PPIG: variants seen among roughly 807,000 people sequenced by gnomAD.
PPIG encodes the protein peptidylprolyl isomerase G.
Under a neutral mutation model 87.9 loss-of-function variants are expected in PPIG, and 26 were observed. That is an observed-to-expected ratio of 0.30 (90% CI 0.22 to 0.41). PPIG has a LOEUF of 0.41. Ranked by LOEUF, PPIG falls within the 10% of genes least tolerant of loss-of-function variation. PPIG has a pLI of 1.00. For synonymous variants in PPIG, 308 were observed against 276.5 expected (o/e 1.11, Z -1.13); for missense variants, 722 against 879.4 (o/e 0.82, Z 2.26).
chr2:169,628,197 A>C (rs1240277321), intron 9 of PPIG, among the ~76,000 whole-genome samples: 1 of 152,192 alleles, frequency 6.6e-6, no homozygotes, highest in African/African-American at 2.4e-5. Flanking sequence ...TGGCTGGTAC[A>C]TCAACAGCAT....
At chr2:169,633,137 A>G in intron 11 of PPIG, 23 bp from the exon 12 acceptor site, 2 of 1,545,776 alleles carry the variant, frequency 1.3e-6, no homozygotes, top group South Asian at 1.1e-5. Context: ...AAATGTGTTA[A>G]CTTTCTGTTT....
chr2:169,603,864 AAG>A (rs1373682595), intron 2 of PPIG, among the ~76,000 whole-genome samples, 160 bp from the exon 3 acceptor site: 1 of 152,190 alleles, frequency 6.6e-6, no homozygotes, highest in African/African-American at 2.4e-5. Context: ...AATCTCTAAA[AAG>A]AAAGCACTAA....
Position 169,639,668 on chromosome 2 carries a change from G to A in PPIG, c.*2145G>A, listed in dbSNP as rs1686268923. Reference sequence around the variant, plus strand: ...CTCTCTTTACAGAACAGATGTGAAGGAGTTGAGAGGACAATCAACTAGATT... The same window carrying A: ...CTCTCTTTACAGAACAGATGTGAAGAAGTTGAGAGGACAATCAACTAGATT... On this transcript the variant is annotated 3_prime_UTR_variant, in exon 14 of 14. Coordinates refer to ENST00000260970, the MANE Select transcript of PPIG (RefSeq NM_004792.3). The A allele has an allele frequency of 6.6e-6, 1 of 152,076 alleles. No individual in the cohort carries two copies. Among genetic ancestry groups the A allele is most frequent in the African/African-American group, 2.4e-5 (1 of 41,448 alleles). 9.4% of individuals were successfully genotyped at this position (152,076 alleles called of 1,614,324 possible).
chr2:169,621,271 G>GTT (rs1685740555), intron 9 of PPIG, among the ~76,000 whole-genome samples: 1 of 151,776 alleles, frequency 6.6e-6, no homozygotes, highest in Non-Finnish European at 1.5e-5. Context: ...TGGGCATGGA[G>GTT]AAGGCAAAAT....
intron 9 of PPIG, among the ~76,000 whole-genome samples, chr2:169,615,796 C>T (rs1348311306): frequency 6.6e-6 from 1 of 152,106 alleles, no homozygotes; most frequent in Non-Finnish European, 1.5e-5. Flanking sequence ...GATCTCATTT[C>T]CTTTGGATAT....
chr2:169,599,354 A>C (rs16857059), intron 1 of PPIG, among the ~76,000 whole-genome samples: 5,187 of 152,240 alleles, frequency 0.034, 286 homozygotes, highest in African/African-American at 0.12. Flanking sequence ...GTGGCATTTA[A>C]CACATTTTTT....
intron 9 of PPIG, among the ~76,000 whole-genome samples, chr2:169,627,705 T>C (rs954610880): frequency 4.2e-5 from 2 of 47,610 alleles, no homozygotes; most frequent in South Asian, 1.7e-3. Flanking sequence ...GTGGGCTTGC[T>C]TTTTTTTTTT....
chr2:169,631,522 A>T lies in PPIG; in HGVS notation c.762-244A>T, dbSNP rs1053977506. 6.7e-6 allele frequency: 8 copies of T among 1,187,686 alleles called. No homozygotes were observed. The African/African-American group carries it at 9.7e-5, about 14-fold the overall frequency. 73.6% of individuals were successfully genotyped at this position (1,187,686 alleles called of 1,614,324 possible). A position where few individuals can be genotyped will look rare whatever the true frequency, so the allele number is the denominator to read the frequency against. ...TTGCTCACATAGTTTCATATTTTTT[A>T]TCCATTTTGTAGGAAAATATTTTTT... On this transcript the variant is annotated intron_variant, in intron 10 of 13. Coordinates refer to ENST00000260970, the MANE Select transcript of PPIG (RefSeq NM_004792.3).
chr2:169,592,109 T>A (rs201512809), intron 1 of PPIG, among the ~76,000 whole-genome samples: 3 of 145,554 alleles, frequency 2.1e-5, no homozygotes, highest in African/African-American at 5.0e-5. Context: ...ATTTTTTTTT[T>A]AATAGAGATG....
At chr2:169,611,781 C>T (rs1685495748) in intron 7 of PPIG, among the ~76,000 whole-genome samples, 1 of 151,982 alleles carries the variant, frequency 6.6e-6, no homozygotes, top group Non-Finnish European at 1.5e-5. Context: ...CAGAATCTTC[C>T]CTCTAAATGT....
At chr2:169,607,782 T>C (rs1685374449) in intron 6 of PPIG, among the ~76,000 whole-genome samples, 1 of 152,232 alleles carries the variant, frequency 6.6e-6, no homozygotes, top group African/African-American at 2.4e-5. Flanking sequence ...GTTAAGTTAA[T>C]GAGTCCAGAC....
rs141408714 is a variant in PPIG at position 169,623,453 on chromosome 2, G to A, written c.548-7321G>A. Among the ~76,000 whole-genome samples the A allele has an allele frequency of 2.1e-4, 32 of 152,334 alleles. No individual in the cohort carries two copies. The East Asian group carries it at 2.1e-3, about 10-fold the overall frequency. Reference sequence around the variant, plus strand: ...CGTACCAATAATGAAACTAAGAGATGAGAGGATTGCTATGTTACATAGTAC... The same window carrying A: ...CGTACCAATAATGAAACTAAGAGATAAGAGGATTGCTATGTTACATAGTAC... On this transcript the variant is annotated intron_variant, in intron 9 of 13. Transcript: ENST00000260970.
rs1686104183 is a variant in PPIG, at chr2:169,633,267, G to T, written c.1017+20G>T. ...CCAAGGGTAGGTGATTCTTTCCCCA[G>T]AGATCTTCACAATATTGCATTTGTC... On this transcript the variant is annotated intron_variant, in intron 12 of 13. Transcript: ENST00000260970. 6.7e-7 allele frequency: 1 copy of T among 1,499,528 alleles called. No homozygotes were observed. The allele number at this position is 1,499,528 out of a possible 1,614,324, so 92.9% of individuals were successfully genotyped here. A position where few individuals can be genotyped will look rare whatever the true frequency, so the allele number is the denominator to read the frequency against.
rs985885862 is a variant in PPIG, at chr2:169,620,798, T to C, written c.547+6074T>C. On this transcript the variant is annotated intron_variant, in intron 9 of 13. Transcript: ENST00000260970. ...GAAATATGTGGCTGATACTATTTTA[T>C]TACAGATAATGGGCTTGACATTCTA... Among the ~76,000 whole-genome samples, 6 of 152,134 alleles carry C rather than the reference T, an allele frequency of 3.9e-5. No homozygotes were observed. In the East Asian group the frequency reaches 1.2e-3, roughly 29 times the overall value.
At position 169,636,673 on chromosome 2, in the gene PPIG, A is replaced by G; in HGVS notation, c.1415A>G (p.Glu472Gly). Residue 472 changes from glutamate (E) to glycine (G), a missense_variant, in exon 14 of 14, where the codon GAA becomes GGA. Around this residue, in one of 4 missense-constraint regions of PPIG, gnomAD observed 476 missense variants for 483.1 expected, o/e 0.99. Coordinates refer to ENST00000260970, the MANE Select transcript of PPIG (RefSeq NM_004792.3). ...AGCAAAGAGAAATCAAAGAGTAAAG[A>G]AAGAGATTCAAAACATAATAGAAAT... The part of the protein sequence containing the change: ...SKSKEKSKSK[E>G]RDSKHNRNEE... 6.2e-7 allele frequency: 1 copy of G among 1,606,962 alleles called. No individual in the cohort carries two copies. Among genetic ancestry groups the G allele is most frequent in the Non-Finnish European group, 8.5e-7 (1 of 1,178,438 alleles).
At chr2:169,588,472 T>C (rs534557275) in intron 1 of PPIG, among the ~76,000 whole-genome samples, 38 of 152,320 alleles carry the variant, frequency 2.5e-4, no homozygotes, top group Non-Finnish European at 4.6e-4. Context: ...TTGTTCTTGA[T>C]CTATAAAATC....
chr2:169,631,355 A>G (rs2105519203), intron 10 of PPIG: 2 of 271,748 alleles, frequency 7.4e-6, no homozygotes, highest in Admixed American at 1.1e-4. Flanking sequence ...AAAGCAGATA[A>G]TGTCAGTGTA....
chr2:169,629,964 A>G (rs1419911613), intron 9 of PPIG, among the ~76,000 whole-genome samples: 2 of 152,140 alleles, frequency 1.3e-5, no homozygotes, highest in African/African-American at 2.4e-5. Context: ...TCTCATGTAT[A>G]TATCAATATT....
intron 1 of PPIG, 77 bp downstream of exon 1, chr2:169,584,567 G>C (rs1684645414): frequency 4.4e-6 from 2 of 456,564 alleles, no homozygotes; most frequent in African/African-American, 4.1e-5. Context: ...GAAGGGCCTG[G>C]GAAGAGGGGC....
Sources: gnomAD v4.1 joint callset for allele counts (sites outside exome capture counted in the v4.1 genomes callset) on GRCh38, gnomAD v4.1.1 for gene constraint, gnomAD v4.1.1 regional missense constraint, MANE v1.5 for transcripts, NCBI Gene and HGNC (gene_info 2026-07-23, HGNC 2026-07-21) for gene names.